The following GPC6 variants were observed in gnomAD, a reference collection of about 807,000 sequenced individuals.
GPC6 encodes the protein glypican-6.
In GPC6, 14 loss-of-function variants were observed where a neutral mutation model predicts 55.2. The observed-to-expected ratio is 0.25, with a 90% confidence interval of 0.17 to 0.40. The LOEUF (loss-of-function observed/expected upper bound fraction) is 0.40, where lower values mean the gene tolerates loss of function less well. GPC6 is among the 10% of genes least tolerant of loss of function. GPC6 has a pLI of 1.00. For missense variants in GPC6, 641 were observed against 708.5 expected (o/e 0.90, Z 1.08); for synonymous variants, 278 against 259.6 (o/e 1.07, Z -0.68).
intron 3 of GPC6, among the ~76,000 whole-genome samples, chr13:93,962,137 A>G (rs1324382493): frequency 6.6e-6 from 1 of 152,214 alleles, no homozygotes; most frequent in Non-Finnish European, 1.5e-5. Flanking sequence ...TGCTTACCTG[A>G]TAAAATGTAG....
chr13:93,583,287 G>T (rs1877020582), intron 2 of GPC6, among the ~76,000 whole-genome samples: 1 of 152,020 alleles, frequency 6.6e-6, no homozygotes, highest in Non-Finnish European at 1.5e-5. Context: ...TCAACCTTCT[G>T]TATCTCTTCC....
intron 4 of GPC6, among the ~76,000 whole-genome samples, chr13:94,090,534 T>C (rs1336195912): frequency 5.3e-5 from 8 of 152,178 alleles, no homozygotes; most frequent in African/African-American, 1.9e-4. Flanking sequence ...CTTTATAAAC[T>C]GGGCTGTCAC....
At chr13:93,984,325 G>A (rs988784604) in intron 3 of GPC6, among the ~76,000 whole-genome samples, 3 of 152,074 alleles carry the variant, frequency 2.0e-5, no homozygotes, top group Non-Finnish European at 2.9e-5. Flanking sequence ...GAGGCTTTAC[G>A]TAAATAGTAA....
chr13:94,339,916 A>T (rs61962187), intron 6 of GPC6, among the ~76,000 whole-genome samples: 3,077 of 151,662 alleles, frequency 0.02, 36 homozygotes, highest in Non-Finnish European at 0.031. Flanking sequence ...GGCATGCACC[A>T]CCACACCCAG....
intron 3 of GPC6, among the ~76,000 whole-genome samples, chr13:94,010,921 C>T (rs1042004918): frequency 6.6e-6 from 1 of 152,046 alleles, no homozygotes; most frequent in African/African-American, 2.4e-5. Context: ...ATATCCTTAA[C>T]ATGGTCTCAT....
At chr13:93,647,844 A>G (rs1437527187) in intron 2 of GPC6, among the ~76,000 whole-genome samples, 1 of 152,120 alleles carries the variant, frequency 6.6e-6, no homozygotes, top group Non-Finnish European at 1.5e-5. Flanking sequence ...TTCTGTTCAA[A>G]GTCCTGAGAG....
intron 5 of GPC6, among the ~76,000 whole-genome samples, chr13:94,295,210 A>G (rs546404160): frequency 4.3e-4 from 65 of 152,304 alleles, no homozygotes; most frequent in South Asian, 2.5e-3. Flanking sequence ...ATTAACTCAC[A>G]TTAAAAATGA....
At chr13:94,259,611 A>G (rs1891599945) in intron 4 of GPC6, among the ~76,000 whole-genome samples, 1 of 152,102 alleles carries the variant, frequency 6.6e-6, no homozygotes, top group Non-Finnish European at 1.5e-5. Context: ...AGAATTTTTC[A>G]TTGTCCCAAC....
chr13:93,576,123 A>G (rs1355232552), intron 2 of GPC6, among the ~76,000 whole-genome samples: 1 of 152,072 alleles, frequency 6.6e-6, no homozygotes, highest in Non-Finnish European at 1.5e-5. Flanking sequence ...CATGAATGCA[A>G]TTGTCTCTTC....
At chr13:93,520,127 C>T (rs1036628862) in intron 1 of GPC6, among the ~76,000 whole-genome samples, 5 of 152,006 alleles carry the variant, frequency 3.3e-5, no homozygotes, top group African/African-American at 1.2e-4. Context: ...TTTTCATTTT[C>T]AAGAACCTTA....
chr13:94,385,361 A>G (rs1437134858), intron 7 of GPC6, among the ~76,000 whole-genome samples: 3 of 152,166 alleles, frequency 2.0e-5, no homozygotes, highest in African/African-American at 4.8e-5. Flanking sequence ...AACGGACCAC[A>G]CTGGTAGAGA....
intron 1 of GPC6, among the ~76,000 whole-genome samples, chr13:93,424,626 A>G (rs2139264553): frequency 6.6e-6 from 1 of 152,060 alleles, no homozygotes; most frequent in Admixed American, 6.6e-5. Context: ...CATCATCATC[A>G]TCTTCATCAT....
At chr13:93,923,651 A>G (rs770780178) in intron 3 of GPC6, among the ~76,000 whole-genome samples, 4 of 152,166 alleles carry the variant, frequency 2.6e-5, no homozygotes, top group Non-Finnish European at 5.9e-5. Flanking sequence ...AAAGAAACCA[A>G]TCTCAGTTTT....
intron 3 of GPC6, among the ~76,000 whole-genome samples, chr13:93,989,617 A>C (rs983965559): frequency 3.3e-5 from 5 of 152,122 alleles, no homozygotes; most frequent in African/African-American, 7.2e-5. Context: ...ATAGGGGGAG[A>C]TGAAGATATA....
At chr13:94,180,878 CAGAG>C (rs71272207) in intron 4 of GPC6, among the ~76,000 whole-genome samples, 7 of 149,610 alleles carry the variant, frequency 4.7e-5, no homozygotes, top group African/African-American at 1.5e-4. Context: ...GAGACACACA[CAGAG>C]AGAGAGAGAG....
intron 6 of GPC6, among the ~76,000 whole-genome samples, chr13:94,310,237 G>T (rs1219944808): frequency 6.6e-6 from 1 of 152,070 alleles, no homozygotes; most frequent in Non-Finnish European, 1.5e-5. Flanking sequence ...AAAATGGACT[G>T]TGCATGGTGT....
At chr13:93,945,906 A>G (rs980650397) in intron 3 of GPC6, among the ~76,000 whole-genome samples, 3 of 152,332 alleles carry the variant, frequency 2.0e-5, no homozygotes, top group Admixed American at 6.5e-5. Flanking sequence ...TTGTTCACCA[A>G]TGATATCAGT....
At chr13:94,225,993 A>T (rs1346285677) in intron 4 of GPC6, among the ~76,000 whole-genome samples, 1 of 152,012 alleles carries the variant, frequency 6.6e-6, no homozygotes, top group Non-Finnish European at 1.5e-5. Flanking sequence ...TTTAATTTAT[A>T]TTCAGATTTC....
intron 4 of GPC6, among the ~76,000 whole-genome samples, chr13:94,059,943 A>G (rs1362479691): frequency 6.6e-6 from 1 of 152,056 alleles, no homozygotes; most frequent in Non-Finnish European, 1.5e-5. Context: ...CCCTGCTCCC[A>G]GCTGCTAAAG....
Sources: allele counts gnomAD v4.1 joint callset (sites outside exome capture counted in the v4.1 genomes callset), GRCh38; gene constraint gnomAD v4.1.1; transcripts MANE v1.5; gene names NCBI Gene and HGNC (gene_info 2026-07-23, HGNC 2026-07-21).